The following PCCB variants were observed in gnomAD, a reference collection of about 807,000 sequenced individuals.
PCCB encodes propionyl-CoA carboxylase subunit beta.
In PCCB, 43 loss-of-function variants were observed where a neutral mutation model predicts 60.7. That is an observed-to-expected ratio of 0.71 (90% confidence interval 0.55 to 0.91). PCCB has a LOEUF of 0.91. Among genes scored for constraint, PCCB ranks in the 40% least tolerant of loss-of-function variants. PCCB has a pLI of 0.00. For synonymous variants in PCCB, 276 were observed against 255.9 expected (o/e 1.08, Z -0.75); for missense variants, 766 against 702.8 (o/e 1.09, Z -1.02).
intron 9 of PCCB, among the ~76,000 whole-genome samples, chr3:136,307,375 T>C (rs1258356104): frequency 6.6e-6 from 1 of 152,046 alleles, no homozygotes; most frequent in Non-Finnish European, 1.5e-5. Context: ...ACTATATGTT[T>C]AGTTTCAGAA....
intron 7 of PCCB, among the ~76,000 whole-genome samples, chr3:136,294,430 G>C (rs1933843459): frequency 6.6e-6 from 1 of 150,888 alleles, no homozygotes; most frequent in Admixed American, 6.6e-5. Context: ...TCCCACCACA[G>C]ACTCTTGGGT....
rs141133536 is a variant in PCCB at position 136,304,386 on chromosome 3, A to ATT, written c.966+3277_966+3278dup. Among the ~76,000 whole-genome samples the ATT allele has an allele frequency of 2.3e-4, 25 of 108,614 alleles. 2 individuals are homozygous for ATT. The highest frequency in any genetic ancestry group is 6.8e-4 in the African/African-American group (25 of 36,958). 71.3% of individuals were successfully genotyped at this position (108,614 alleles called of 152,430 possible). Reference sequence around the variant, plus strand: ...CCCAGGCTGGCTTTTCCAATTATTTATTTATTTTTTTTTGAGTTGGAGTCT... The same window carrying ATT: ...CCCAGGCTGGCTTTTCCAATTATTTATTTTTATTTTTTTTTGAGTTGGAGTCT... On this transcript the variant is annotated intron_variant, in intron 9 of 14. Transcript: ENST00000251654.
At chr3:136,312,215 AC>A (rs1309014012) in intron 9 of PCCB, among the ~76,000 whole-genome samples, 1 of 152,246 alleles carries the variant, frequency 6.6e-6, no homozygotes, top group East Asian at 1.9e-4. Flanking sequence ...TCTTTGTGCG[AC>A]CATCATAGAG....
At chr3:136,309,046 T>C (rs1319651860) in intron 9 of PCCB, among the ~76,000 whole-genome samples, 1 of 151,944 alleles carries the variant, frequency 6.6e-6, no homozygotes, top group African/African-American at 2.4e-5. Context: ...GTGGATTGCT[T>C]GAGCTCAGGA....
rs949263117 is a variant in PCCB at position 136,263,195 on chromosome 3, C to T, written c.543+1130C>T. ...GTCTCGAACTCCTGACCTTGTGATC[C>T]GCCCACCTCGGCCTCCTAAAGTGCT... On this transcript the variant is annotated intron_variant, in intron 5 of 14. Transcript: ENST00000251654. Among the ~76,000 whole-genome samples the T allele has an allele frequency of 7.9e-5, 12 of 151,534 alleles. No individual in the cohort carries two copies. The East Asian group carries it at 1.9e-3, about 24-fold the overall frequency.
chr3:136,326,835 G>C lies in PCCB; in HGVS notation c.1123G>C (p.Ala375Pro). 1 of 1,611,988 alleles carries C rather than the reference G, an allele frequency of 6.2e-7. No homozygotes were observed. ...CLDINSSVKGARFVRFCDAFN... is the reference protein window; with the variant it reads ...CLDINSSVKGPRFVRFCDAFN... ...GGATATTAATTCATCTGTGAAAGGG[G>C]CTCGTTTTGTCAGATTCTGTGATGC... is the stretch of plus-strand genomic sequence containing the variant. The change falls in exon 11 of 15, where the codon GCT becomes CCT. Residue 375 changes from alanine (A) to proline (P), a missense_variant. Coordinates refer to ENST00000251654, the MANE Select transcript of PCCB (RefSeq NM_000532.5).
intron 7 of PCCB, among the ~76,000 whole-genome samples, chr3:136,297,727 A>G (rs1933999617): frequency 6.6e-6 from 1 of 152,178 alleles, no homozygotes; most frequent in South Asian, 2.1e-4. Flanking sequence ...TGACCCCTGT[A>G]GAGGTGTGGT....
chr3:136,260,414 C>T, intron 3 of PCCB, 65 bp from the exon 4 acceptor site: 1 of 1,321,738 alleles, frequency 7.6e-7, no homozygotes, highest in East Asian at 2.3e-5. Context: ...ATTTCTTCCT[C>T]CCACTGGGTT....
chr3:136,329,852 G>GT, intron 14 of PCCB, 53 bp from the exon 15 acceptor site: 1 of 1,604,572 alleles, frequency 6.2e-7, no homozygotes, highest in Non-Finnish European at 8.5e-7. Context: ...AGGTTGAGGG[G>GT]TGGCATCATC....
At chr3:136,310,437 A>C (rs1239134598) in intron 9 of PCCB, among the ~76,000 whole-genome samples, 2 of 151,744 alleles carry the variant, frequency 1.3e-5, no homozygotes, top group Admixed American at 1.3e-4. Flanking sequence ...GTGGGAGTTC[A>C]CTTGAGCCCA....
In PCCB at chr3:136,257,521, C is replaced by T. The variant is rs147256303; in HGVS notation, c.372+898C>T. ...CTGAATTTATATTAATTTGTTATAG[C>T]GGTAATAGAAAACTAACACAGAATA... On this transcript the variant is annotated intron_variant, in intron 3 of 14. Coordinates refer to ENST00000251654, the MANE Select transcript of PCCB (RefSeq NM_000532.5). 1.2e-4 allele frequency among the ~76,000 whole-genome samples: 18 copies of T among 152,168 alleles called. No individual in the cohort carries two copies. The East Asian group carries it at 1.5e-3, about 13-fold the overall frequency.
At chr3:136,263,254 G>GT (rs137942280) in intron 5 of PCCB, among the ~76,000 whole-genome samples, 25,566 of 125,866 alleles carry the variant, frequency 0.2, 2,981 homozygotes, top group African/African-American at 0.27. Flanking sequence ...CGCCCAGCTG[G>GT]TTTTTTTTTT....
Position 136,250,386 on chromosome 3 carries a change from C to T in PCCB, c.11C>T (p.Ala4Val), listed in dbSNP as rs774667212. Residue 4 changes from alanine to valine, a missense_variant, in exon 1 of 15, where the codon GCA (alanine) becomes GTA (valine). Coordinates refer to ENST00000251654, the MANE Select transcript of PCCB (RefSeq NM_000532.5). ...GCCGGCACAGCAAAAATGGCGGCGG[C>T]ATTACGGGTGGCGGCGGTCGGGGCA... MAA[A>V]LRVAAVGARL... 5 of 1,534,240 alleles carry T rather than the reference C, an allele frequency of 3.3e-6. No homozygotes were observed. The highest frequency in any genetic ancestry group is 1.4e-5 in the African/African-American group (1 of 72,942).
chr3:136,271,787 A>G (rs1047041849), intron 5 of PCCB, among the ~76,000 whole-genome samples: 28 of 152,168 alleles, frequency 1.8e-4, no homozygotes, highest in African/African-American at 6.8e-4. Context: ...CCAAGTATAT[A>G]TGATCATATC....
intron 7 of PCCB, among the ~76,000 whole-genome samples, chr3:136,294,870 G>T (rs995681329): frequency 1.3e-5 from 2 of 151,894 alleles, no homozygotes; most frequent in African/African-American, 4.8e-5. Flanking sequence ...CTCCCACTTC[G>T]ACCTCCCAAA....
chr3:136,256,695 C>CA (rs1385702299), intron 3 of PCCB, 72 bp downstream of exon 3: 35 of 1,066,722 alleles, frequency 3.3e-5, no homozygotes, highest in Non-Finnish European at 5.0e-5. Context: ...TGAAAGAAGC[C>CA]AATCTTGGGG....
intron 10 of PCCB, 69 bp from the exon 11 acceptor site, chr3:136,326,734 C>T: frequency 9.1e-7 from 1 of 1,094,560 alleles, no homozygotes; most frequent in East Asian, 2.4e-5. Flanking sequence ...CTGCTGAGGA[C>T]AAATCCCCAT....
At chr3:136,277,676 A>G (rs1023273620) in intron 5 of PCCB, among the ~76,000 whole-genome samples, 3 of 152,118 alleles carry the variant, frequency 2.0e-5, no homozygotes, top group Non-Finnish European at 4.4e-5. Flanking sequence ...ACTGCACAGA[A>G]GAGATCGCAC....
chr3:136,283,930 T>G lies in PCCB; in HGVS notation c.637T>G (p.Phe213Val). Residue 213 changes from phenylalanine to valine, a missense_variant, in exon 6 of 15, where the codon TTC becomes GTC. Coordinates refer to ENST00000251654, the MANE Select transcript of PCCB (RefSeq NM_000532.5). ...GAVYSPALTDFTFMVKDTSYL... is the reference protein window; with the variant it reads ...GAVYSPALTDVTFMVKDTSYL... ...CGTCTACTCCCCAGCCCTAACAGAC[T>G]TCACGTTCATGGTAAAGGTAAGAAA... The G allele has an allele frequency of 6.2e-7, 1 of 1,609,936 alleles. No individual in the cohort carries two copies. Among genetic ancestry groups the G allele is most frequent in the Non-Finnish European group, 8.5e-7 (1 of 1,176,274 alleles).
Sources: allele counts gnomAD v4.1 joint callset (sites outside exome capture counted in the v4.1 genomes callset), GRCh38; gene constraint gnomAD v4.1.1; transcripts MANE v1.5; gene names NCBI Gene and HGNC (gene_info 2026-07-23, HGNC 2026-07-21).